Variants in TRAPPC12 observed in about 807,000 individuals in gnomAD.
The protein encoded by TRAPPC12 is TPR repeat protein 15.
Under a neutral mutation model 69.2 loss-of-function variants are expected in TRAPPC12, and 61 were observed. The observed-to-expected ratio is 0.88, with a 90% CI of 0.72 to 1.09. The LOEUF (loss-of-function observed/expected upper bound fraction) is 1.09, where lower values mean the gene tolerates loss of function less well. TRAPPC12 is among the 50% of genes least tolerant of loss of function. TRAPPC12 has a pLI of 0.00. For missense variants in TRAPPC12, 1,101 were observed against 1,016.4 expected, an observed-to-expected ratio of 1.08 and a Z score of -1.13; for synonymous variants, 469 against 438.9, an observed-to-expected ratio of 1.07 and a Z score of -0.86.
chr2:3,420,488 T>C (rs2103051477), intron 3 of TRAPPC12, among the ~76,000 whole-genome samples: 1 of 152,338 alleles, frequency 6.6e-6, no homozygotes. Context: ...CTTCTTTAAT[T>C]GTCACATCTG....
At position 3,426,130 on chromosome 2, in the gene TRAPPC12, G is replaced by GT. The variant is rs768979911; in HGVS notation, c.1417+1473dup. ...ATTTTTATCATTTTTAGTATAAAGTGTTTTTTGACCTTTAGTCTCACTGGT... is the reference window on the plus strand; with the variant it reads ...ATTTTTATCATTTTTAGTATAAAGTGTTTTTTTGACCTTTAGTCTCACTGGT... On this transcript the variant is annotated intron_variant, in intron 5 of 11. Coordinates refer to ENST00000324266, the MANE Select transcript of TRAPPC12 (RefSeq NM_016030.6). Among the ~76,000 whole-genome samples, 11 of 152,242 alleles carry GT rather than the reference G, an allele frequency of 7.2e-5. No individual in the cohort carries two copies. In the South Asian group the frequency reaches 1.2e-3, roughly 17 times the overall value.
At chr2:3,447,296 C>T (rs925993713) in intron 6 of TRAPPC12, among the ~76,000 whole-genome samples, 2 of 152,186 alleles carry the variant, frequency 1.3e-5, no homozygotes, top group African/African-American at 4.8e-5. Flanking sequence ...CAGGGCTTCA[C>T]CATGGTGGCC....
chr2:3,448,034 C>T (rs1015131886), intron 6 of TRAPPC12, among the ~76,000 whole-genome samples: 2 of 152,224 alleles, frequency 1.3e-5, no homozygotes, highest in Non-Finnish European at 2.9e-5. Flanking sequence ...TGCTGTGTGT[C>T]CCAGCACTGA....
rs151039639 is a variant in TRAPPC12, at chr2:3,436,404, T to C, written c.1418-7375T>C. ...CCTTGGAGACACCATCTTTATTGTA[T>C]ACTAAAGAATATATGTATTCCCTTT... is the stretch of plus-strand genomic sequence containing the variant. On this transcript the variant is annotated intron_variant, in intron 5 of 11. Transcript: ENST00000324266. Among the ~76,000 whole-genome samples, 275 of 152,276 alleles carry C rather than the reference T, an allele frequency of 1.8e-3. 1 individual carries two copies. The highest frequency in any genetic ancestry group is 6.4e-3 in the African/African-American group (265 of 41,526).
intron 5 of TRAPPC12, 82 bp from the exon 6 acceptor site, chr2:3,443,697 C>T (rs774329562): frequency 5.2e-5 from 52 of 1,008,726 alleles, no homozygotes; most frequent in Admixed American, 4.2e-4. Flanking sequence ...GGGACATCTG[C>T]GACGCCTCCT....
chr2:3,397,136 A>G (rs1426728237), intron 2 of TRAPPC12, among the ~76,000 whole-genome samples: 2 of 152,244 alleles, frequency 1.3e-5, no homozygotes, highest in African/African-American at 4.8e-5. Context: ...GAAGGTGGAC[A>G]TTGTGGATTT....
intron 3 of TRAPPC12, among the ~76,000 whole-genome samples, chr2:3,412,934 G>C (rs755843938): frequency 2.0e-5 from 3 of 152,172 alleles, no homozygotes; most frequent in Admixed American, 6.5e-5. Context: ...ACATAAATAG[G>C]AGTTGTATTA....
chr2:3,380,334 G>T lies in TRAPPC12; in HGVS notation c.-5+458G>T, dbSNP rs544187013. On this transcript the variant is annotated intron_variant, in intron 1 of 11. Transcript: ENST00000324266. ...GCCCTGCCAAACTCAGCATTGTGAG[G>T]CTGCAATGCAGTGTAAAAGCATTTG... Among the ~76,000 whole-genome samples the T allele has an allele frequency of 3.1e-4, 47 of 152,358 alleles. 1 individual carries two copies. Among genetic ancestry groups the T allele is most frequent in the African/African-American group, 1.1e-3 (47 of 41,586 alleles).
chr2:3,379,909 A>T (rs1660123527), intron 1 of TRAPPC12, 33 bp downstream of exon 1: 1 of 152,486 alleles, frequency 6.6e-6, no homozygotes, highest in South Asian at 2.1e-4. Flanking sequence ...TCCAGAGGGG[A>T]TGGGACCGTG....
At chr2:3,418,051 A>C (rs1386994655) in intron 3 of TRAPPC12, among the ~76,000 whole-genome samples, 4 of 129,124 alleles carry the variant, frequency 3.1e-5, no homozygotes, top group Non-Finnish European at 5.2e-5. Context: ...AAAAAAAAAA[A>C]AAAAAAAACA....
At chr2:3,443,581 C>T (rs1228037039) in intron 5 of TRAPPC12, 198 bp from the exon 6 acceptor site, 8 of 598,112 alleles carry the variant, frequency 1.3e-5, no homozygotes, top group African/African-American at 1.3e-4. Flanking sequence ...TGATAATTGT[C>T]GAGACATACA....
At chr2:3,438,197 C>A (rs1185187608) in intron 5 of TRAPPC12, among the ~76,000 whole-genome samples, 1 of 106,934 alleles carries the variant, frequency 9.4e-6, no homozygotes, top group Admixed American at 9.4e-5. Context: ...TAATCCCCAC[C>A]ACCCCTGGAT....
At chr2:3,386,850 T>TGGA (rs1240709379) in intron 1 of TRAPPC12, among the ~76,000 whole-genome samples, 1 of 152,138 alleles carries the variant, frequency 6.6e-6, no homozygotes, top group Non-Finnish European at 1.5e-5. Flanking sequence ...TCACACCTAC[T>TGGA]GGAATGGCTA....
chr2:3,400,678 C>T (rs1444433096), intron 2 of TRAPPC12, among the ~76,000 whole-genome samples: 2 of 152,194 alleles, frequency 1.3e-5, no homozygotes, highest in East Asian at 1.9e-4. Context: ...CCTCGGCCTG[C>T]GGTGCAGCCA....
At chr2:3,402,205 T>G (rs560556437) in intron 3 of TRAPPC12, among the ~76,000 whole-genome samples, 1 of 152,220 alleles carries the variant, frequency 6.6e-6, no homozygotes, top group East Asian at 1.9e-4. Context: ...TTTAAATATA[T>G]TGCATTTTCT....
At chr2:3,479,023 G>T in intron 11 of TRAPPC12, 90 bp downstream of exon 11, 1 of 1,490,026 alleles carries the variant, frequency 6.7e-7, no homozygotes. Flanking sequence ...AGGGGCCTGC[G>T]CTCTCTCTCT....
chr2:3,421,159 A>T (rs185353569), intron 3 of TRAPPC12, among the ~76,000 whole-genome samples: 1 of 152,360 alleles, frequency 6.6e-6, no homozygotes, highest in Admixed American at 6.5e-5. Context: ...TTAGCTTCTT[A>T]AAAGGTTTAA....
intron 8 of TRAPPC12, 72 bp downstream of exon 8, chr2:3,460,408 G>A (rs765309704): frequency 2.6e-5 from 21 of 808,284 alleles, no homozygotes; most frequent in Non-Finnish European, 4.1e-5. Context: ...CGAGGGAGCC[G>A]CTGGTATAAT....
intron 2 of TRAPPC12, among the ~76,000 whole-genome samples, chr2:3,391,869 T>C (rs1660843368): frequency 6.6e-6 from 1 of 152,200 alleles, no homozygotes; most frequent in Non-Finnish European, 1.5e-5. Flanking sequence ...GCTGTAAAAT[T>C]CCTTTAACAT....
Sources: gnomAD v4.1 joint callset for allele counts (sites outside exome capture counted in the v4.1 genomes callset) on GRCh38, gnomAD v4.1.1 for gene constraint, MANE v1.5 for transcripts, NCBI Gene and HGNC (gene_info 2026-07-23, HGNC 2026-07-21) for gene names.